ADGRF5: variants seen among roughly 807,000 people sequenced by gnomAD.
ADGRF5 encodes the protein adhesion G protein-coupled receptor F5.
ADGRF5 carries 75 observed loss-of-function variants against 132.3 expected under a neutral mutation model. The observed-to-expected ratio is 0.57, with a 90% CI of 0.47 to 0.69. ADGRF5 has a LOEUF of 0.69. Among genes scored for constraint, ADGRF5 ranks in the 30% least tolerant of loss-of-function variants. ADGRF5 has a pLI of 0.00. For synonymous variants in ADGRF5, 629 were observed against 597.6 expected (o/e 1.05, Z -0.77); for missense variants, 1,516 against 1,630.6 (o/e 0.93, Z 1.21).
rs1562175084 is a variant in ADGRF5, at chr6:46,877,306, T to TTCC, written c.1240+895_1240+896insGGA. On this transcript the variant is annotated intron_variant, in intron 10 of 20. Coordinates refer to ENST00000283296, the MANE Select transcript of ADGRF5 (RefSeq NM_001098518.2). ...TTCTTTCTTTCTCTCTCTCTCTCTCTTTCCTTCCTTCCTTCCTTCTTTCTT... is the reference window on the plus strand; with the variant it reads ...TTCTTTCTTTCTCTCTCTCTCTCTCTTCCTTCCTTCCTTCCTTCCTTCTTTCTT... Among the ~76,000 whole-genome samples the TTCC allele has an allele frequency of 4.1e-3, 318 of 77,112 alleles. 4 individuals carry two copies. Among genetic ancestry groups the TTCC allele is most frequent in the Non-Finnish European group, 4.9e-3 (197 of 39,866 alleles). 50.6% of individuals were successfully genotyped at this position (77,112 alleles called of 152,430 possible).
At chr6:46,921,016 A>G (rs1331694260) in intron 1 of ADGRF5, among the ~76,000 whole-genome samples, 1 of 152,252 alleles carries the variant, frequency 6.6e-6, no homozygotes, top group Non-Finnish European at 1.5e-5. Context: ...GTGAAGTGGC[A>G]TGACCTGGCT....
rs1027424077 is a variant in ADGRF5, at chr6:46,858,342, T to C, written c.3561A>G (p.Ile1187Met). 1 of 1,613,666 alleles carries C rather than the reference T, an allele frequency of 6.2e-7. No individual in the cohort carries two copies. Among genetic ancestry groups the C allele is most frequent in the African/African-American group, 1.3e-5 (1 of 74,866 alleles). ...IPALIIVVVN[I>M]TITIVVITKI... ...TGGTGATGACCACAATAGTGATGGT[T>C]ATGTTCACCACCACAATGATCAGTG... is the stretch of plus-strand genomic sequence containing the variant. The change falls in exon 17 of 21, where the codon ATA becomes ATG. Residue 1187 changes from isoleucine to methionine, a missense_variant. By Grantham distance (10) the Ile-to-Met change is conservative (BLOSUM62 1). This residue lies in a region of ADGRF5 where 571 missense variants were observed against 701.2 expected (regional missense o/e 0.81). Coordinates refer to ENST00000283296, the MANE Select transcript of ADGRF5 (RefSeq NM_001098518.2).
At position 46,867,079 on chromosome 6, in the gene ADGRF5, G is replaced by T; in HGVS notation, c.1680C>A (p.Val560=). The change falls in exon 13 of 21, where the codon GTC becomes GTA. Residue 560 remains valine, a synonymous_variant. Transcript: ENST00000283296. ...KNSYSIATKD[V]IVHPLPLKLN... is the part of the protein sequence containing the mutation. ...GCTTTAGAGGCAGCGGGTGAACAAT[G>T]ACGTCTTTGGTTGCAATACTGTATG... 3.1e-6 allele frequency: 5 copies of T among 1,613,744 alleles called. No homozygotes were observed. Among genetic ancestry groups the T allele is most frequent in the Non-Finnish European group, 4.2e-6 (5 of 1,179,664 alleles).
rs144479396 is a variant in ADGRF5, at chr6:46,946,146, C to T, written c.-25+8588G>A. ...GAAAGAATGAATGGAGAAGAGGTGG[C>T]TGGCCCCGGTTATAGCCATTGGGAA... is the stretch of plus-strand genomic sequence containing the variant. On this transcript the variant is annotated intron_variant, in intron 1 of 20. Transcript: ENST00000265417. 6.0e-3 allele frequency among the ~76,000 whole-genome samples: 914 copies of T among 152,238 alleles called. 5 individuals are homozygous for T. The highest frequency in any genetic ancestry group is 9.5e-3 in the Non-Finnish European group (649 of 68,022).
At chr6:46,953,674 T>G (rs909142354) in intron 1 of ADGRF5, among the ~76,000 whole-genome samples, 1 of 135,532 alleles carries the variant, frequency 7.4e-6, no homozygotes, top group Non-Finnish European at 1.6e-5. Context: ...TATATATATA[T>G]ATATATATAT....
chr6:46,869,391 T>A (rs1010659293), intron 11 of ADGRF5: 211 of 985,278 alleles, frequency 2.1e-4, no homozygotes, highest in Non-Finnish European at 2.5e-4. Context: ...GGTAAAAGGT[T>A]GCAAACTTAG....
intron 8 of ADGRF5, among the ~76,000 whole-genome samples, chr6:46,881,035 G>T (rs914946811): frequency 6.6e-6 from 1 of 152,170 alleles, no homozygotes; most frequent in Non-Finnish European, 1.5e-5. Context: ...GGAAAGTAGA[G>T]GCTGTAGAGA....
At chr6:46,927,481 C>A (rs1217414999) in intron 1 of ADGRF5, among the ~76,000 whole-genome samples, 1 of 152,076 alleles carries the variant, frequency 6.6e-6, no homozygotes, top group African/African-American at 2.4e-5. Flanking sequence ...CCCCAGCCCC[C>A]ACCAACACAT....
intron 3 of ADGRF5, among the ~76,000 whole-genome samples, chr6:46,893,746 G>A (rs181385716): frequency 2.6e-5 from 4 of 152,150 alleles, no homozygotes; most frequent in East Asian, 1.9e-4. Flanking sequence ...TTTCTGGCTC[G>A]CTGATGCCCT....
chr6:46,878,331 G>T lies in ADGRF5; in HGVS notation c.1111C>A (p.Gln371Lys). Reference sequence around the variant, plus strand: ...TTCATTTCTTCATTTGCCAAAATTTGGATGGGCATAACATCTATTTTCTTC... The same window carrying T: ...TTCATTTCTTCATTTGCCAAAATTTTGATGGGCATAACATCTATTTTCTTC... ...CKKKIDVMPI[Q>K]ILANEEMKVM... The change falls in exon 10 of 21, where the codon CAA becomes AAA. Residue 371 changes from glutamine (Q) to lysine (K), a missense_variant. Transcript: ENST00000283296. 2 of 1,612,740 alleles carry T rather than the reference G, an allele frequency of 1.2e-6. No homozygotes were observed. The highest frequency in any genetic ancestry group is 1.7e-6 in the Non-Finnish European group (2 of 1,178,834).
At chr6:46,915,431 C>G in intron 1 of ADGRF5, among the ~76,000 whole-genome samples, 1 of 152,002 alleles carries the variant, frequency 6.6e-6, no homozygotes, top group Non-Finnish European at 1.5e-5. Context: ...TGTAGGATCC[C>G]AGGAAAGGGA....
chr6:46,869,257 C>T, intron 11 of ADGRF5, 165 bp from the exon 12 acceptor site: 1 of 1,456,522 alleles, frequency 6.9e-7, no homozygotes, highest in Non-Finnish European at 9.0e-7. Context: ...CTTGCTGCTC[C>T]TGGGCTTTAC....
chr6:46,950,926 C>T (rs1778474624), intron 1 of ADGRF5, among the ~76,000 whole-genome samples: 1 of 152,200 alleles, frequency 6.6e-6, no homozygotes, highest in South Asian at 2.1e-4. Flanking sequence ...TGGCAAGATA[C>T]AATCACTTGT....
intron 10 of ADGRF5, among the ~76,000 whole-genome samples, chr6:46,874,506 T>C (rs1349322550): frequency 1.3e-5 from 2 of 152,152 alleles, no homozygotes; most frequent in Admixed American, 1.3e-4. Flanking sequence ...GTTATGTAGA[T>C]TAAAGGAGGG....
chr6:46,947,453 T>C (rs1778337889), intron 1 of ADGRF5, among the ~76,000 whole-genome samples: 1 of 152,220 alleles, frequency 6.6e-6, no homozygotes, highest in Non-Finnish European at 1.5e-5. Flanking sequence ...TGCACACAAA[T>C]GCACACATAT....
upstream of ADGRF5, among the ~76,000 whole-genome samples, chr6:46,925,515 G>A (rs1016866603): frequency 2.0e-5 from 3 of 152,102 alleles, no homozygotes; most frequent in Non-Finnish European, 4.4e-5. Context: ...CCAGCACTTT[G>A]GGAGGCCAAG....
chr6:46,936,104 G>A (rs1338098739), intron 1 of ADGRF5, among the ~76,000 whole-genome samples: 1 of 152,174 alleles, frequency 6.6e-6, no homozygotes, highest in African/African-American at 2.4e-5. Flanking sequence ...CCTAGGCACA[G>A]TGTGTCGGGT....
rs1195142673 is a variant in ADGRF5, at chr6:46,921,694, T to C, written c.-25+19A>G. On this transcript the variant is annotated intron_variant, in intron 1 of 20. Transcript: ENST00000283296. ...AGGGAGACAGAATGACAGACCGCAG[T>C]AGGAGAAATGTCTGTTACCTGTCCA... is the stretch of plus-strand genomic sequence containing the variant. 1 of 152,226 alleles carries C rather than the reference T, an allele frequency of 6.6e-6. No individual in the cohort carries two copies. The highest frequency in any genetic ancestry group is 2.4e-5 in the African/African-American group (1 of 41,436). The allele number at this position is 152,226 out of a possible 1,614,324, so 9.4% of individuals were successfully genotyped here.
intron 1 of ADGRF5, among the ~76,000 whole-genome samples, chr6:46,954,097 C>A (rs1778631130): frequency 1.3e-5 from 2 of 152,014 alleles, no homozygotes; most frequent in African/African-American, 4.8e-5. Context: ...TCCCTGCAGA[C>A]AACCACCACC....
Sources: gnomAD v4.1 joint callset for allele counts (sites outside exome capture counted in the v4.1 genomes callset) on GRCh38, gnomAD v4.1.1 for gene constraint, gnomAD v4.1.1 regional missense constraint, MANE v1.5 for transcripts, NCBI Gene and HGNC (gene_info 2026-07-23, HGNC 2026-07-21) for gene names.